Variants in CDC23 observed in about 807,000 individuals in gnomAD.
CDC23 encodes cell division cycle protein 23 homolog.
CDC23 carries 26 observed loss-of-function variants against 81.7 expected under a neutral mutation model. The ratio of observed to expected loss-of-function variants is 0.32; its 90% CI spans 0.23 to 0.44. CDC23 has a LOEUF of 0.44. CDC23 is among the 20% of genes least tolerant of loss of function. CDC23 has a pLI of 1.00. For missense variants in CDC23, 519 were observed against 728.0 expected, an observed-to-expected ratio of 0.71 and a Z score of 3.30; for synonymous variants, 267 against 270.8, an observed-to-expected ratio of 0.99 and a Z score of 0.14.
intron 3 of CDC23, among the ~76,000 whole-genome samples, chr5:138,203,350 G>C (rs1755010240): frequency 6.6e-6 from 1 of 152,054 alleles, no homozygotes; most frequent in Non-Finnish European, 1.5e-5. Context: ...TCTGTGAGAG[G>C]GGAGAAGGAG....
At position 138,192,393 on chromosome 5, in the gene CDC23, GA is replaced by G. The variant is rs1242728322; in HGVS notation, c.1167-6del. On this transcript the variant is annotated splice_polypyrimidine_tract_variant and splice_region_variant and intron_variant, in intron 10 of 15. Transcript: ENST00000394886. ...TTGTTGACCTCAATGGCATGTCTAA[GA>G]AATGGAAAAGACAGGTTGTTAAGAA... 3.7e-6 allele frequency: 6 copies of G among 1,614,184 alleles called. No individual in the cohort carries two copies. Among genetic ancestry groups the G allele is most frequent in the Non-Finnish European group, 5.1e-6 (6 of 1,180,032 alleles).
chr5:138,190,147 A>G (rs892366237), intron 13 of CDC23: 1 of 501,596 alleles, frequency 2.0e-6, no homozygotes, highest in African/African-American at 1.9e-5. Context: ...AGCTAGATAA[A>G]CCATCCTTGC....
At chr5:138,196,128 G>A (rs1221218110) in intron 9 of CDC23, among the ~76,000 whole-genome samples, 1 of 151,470 alleles carries the variant, frequency 6.6e-6, no homozygotes, top group African/African-American at 2.4e-5. Context: ...TTTTAAGGTA[G>A]GTGGGCTGAA....
chr5:138,210,370 C>CA (rs775612026), intron 2 of CDC23, among the ~76,000 whole-genome samples: 12 of 150,206 alleles, frequency 8.0e-5, no homozygotes, highest in South Asian at 2.1e-4. Context: ...ACTAAAAATA[C>CA]AAAAAATTAG....
chr5:138,191,593 A>G, intron 12 of CDC23, 58 bp from the exon 13 acceptor site: 1 of 1,510,560 alleles, frequency 6.6e-7, no homozygotes, highest in African/African-American at 1.4e-5. Context: ...CAACTAAATC[A>G]TATGAAGGTT....
intron 9 of CDC23, among the ~76,000 whole-genome samples, chr5:138,194,040 G>A (rs1754856989): frequency 6.6e-6 from 1 of 151,852 alleles, no homozygotes; most frequent in South Asian, 2.1e-4. Flanking sequence ...GTCTTAAAAA[G>A]TGGAAGTGAA....
intron 3 of CDC23, 21 bp from the exon 4 acceptor site, chr5:138,202,176 A>C: frequency 6.3e-7 from 1 of 1,591,392 alleles, no homozygotes; most frequent in Non-Finnish European, 8.6e-7. Context: ...AAATCAACAA[A>C]TAGGTCTTTT....
chr5:138,199,041 A>C (rs1293606508), intron 6 of CDC23, among the ~76,000 whole-genome samples: 1 of 152,208 alleles, frequency 6.6e-6, no homozygotes, highest in East Asian at 1.9e-4. Flanking sequence ...TTGAATACAA[A>C]AGGGGAGAGG....
In CDC23 at chr5:138,205,435, A is replaced by G. The variant is rs569662695; in HGVS notation, c.372+1112T>C. On this transcript the variant is annotated intron_variant, in intron 3 of 15. Transcript: ENST00000394886. ...TGGTAAGTGAAATAAGCCAGTCACA[A>G]AGAGACTAATACTGCATGATTCCAC... Among the ~76,000 whole-genome samples the G allele has an allele frequency of 5.3e-5, 8 of 152,322 alleles. No homozygotes were observed. The East Asian group carries it at 1.5e-3, about 29-fold the overall frequency.
chr5:138,211,617 G>A (rs1486507880), intron 2 of CDC23, among the ~76,000 whole-genome samples: 2 of 151,336 alleles, frequency 1.3e-5, no homozygotes, highest in African/African-American at 4.9e-5. Context: ...GAGCCATCAT[G>A]CCATTGCACT....
chr5:138,201,004 A>G, intron 6 of CDC23, 103 bp downstream of exon 6: 2 of 1,298,934 alleles, frequency 1.5e-6, no homozygotes, highest in South Asian at 2.9e-5. Context: ...CAAAGGGAGA[A>G]CTATAACCAA....
At chr5:138,190,849 G>A (rs1754818847) in intron 13 of CDC23, among the ~76,000 whole-genome samples, 1 of 147,318 alleles carries the variant, frequency 6.8e-6, no homozygotes, top group Non-Finnish European at 1.5e-5. Context: ...GGTCATCACA[G>A]CAAGATCCTA....
intron 6 of CDC23, 61 bp from the exon 7 acceptor site, chr5:138,198,843 T>A: frequency 6.6e-7 from 1 of 1,507,330 alleles, no homozygotes; most frequent in Non-Finnish European, 9.0e-7. Context: ...CAAACAAACA[T>A]CCAGGAACTA....
chr5:138,196,284 C>T (rs949070197), intron 9 of CDC23, among the ~76,000 whole-genome samples: 3 of 151,206 alleles, frequency 2.0e-5, no homozygotes, highest in African/African-American at 4.9e-5. Flanking sequence ...TTATTCTTCT[C>T]ATATATATTG....
chr5:138,194,361 T>C (rs1437517840), intron 9 of CDC23, among the ~76,000 whole-genome samples: 1 of 151,770 alleles, frequency 6.6e-6, no homozygotes, highest in Non-Finnish European at 1.5e-5. Context: ...AGGAGAAAGC[T>C]TGAGCCCAGG....
At chr5:138,195,764 TTA>T (rs1396163611) in intron 9 of CDC23, among the ~76,000 whole-genome samples, 14 of 57,852 alleles carry the variant, frequency 2.4e-4, no homozygotes, top group South Asian at 1.5e-3. Context: ...TATACATATA[TTA>T]TATATGTGTA....
intron 12 of CDC23, 149 bp from the exon 13 acceptor site, chr5:138,191,684 A>G (rs1754828605): frequency 2.6e-5 from 24 of 938,496 alleles, no homozygotes; most frequent in South Asian, 2.5e-4. Context: ...TAGGCTACAC[A>G]CTGACATTCC....
rs1581481494 is a variant in CDC23, at chr5:138,188,677, T to C, written c.*301A>G. On this transcript the variant is annotated 3_prime_UTR_variant, in exon 16 of 16. Coordinates refer to ENST00000394886, the MANE Select transcript of CDC23 (RefSeq NM_004661.4). Reference sequence around the variant, plus strand: ...TAGCATTGCCTGTGCTAAAGTGCTATAAAAGGGACTTTCTTGGGGGCCAAA... The same window carrying C: ...TAGCATTGCCTGTGCTAAAGTGCTACAAAAGGGACTTTCTTGGGGGCCAAA... 1.3e-5 allele frequency: 3 copies of C among 223,010 alleles called. No homozygotes were observed. The East Asian group carries it at 3.0e-4, about 22-fold the overall frequency. 13.8% of individuals were successfully genotyped at this position (223,010 alleles called of 1,614,324 possible).
At chr5:138,194,816 G>C (rs1397947483) in intron 9 of CDC23, among the ~76,000 whole-genome samples, 1 of 150,476 alleles carries the variant, frequency 6.6e-6, no homozygotes, top group Non-Finnish European at 1.5e-5. Context: ...CCGCCTCCCG[G>C]ATTCTAGCGA....
Sources: gnomAD v4.1 joint callset for allele counts (sites outside exome capture counted in the v4.1 genomes callset) on GRCh38, gnomAD v4.1.1 for gene constraint, MANE v1.5 for transcripts, NCBI Gene and HGNC (gene_info 2026-07-23, HGNC 2026-07-21) for gene names.